Variants in RHOU observed in about 807,000 individuals in gnomAD.
The protein encoded by RHOU is ras homolog family member U.
A neutral mutation model predicts 12.6 loss-of-function variants in RHOU; 8 were observed. The observed-to-expected ratio is 0.64, with a 90% confidence interval of 0.37 to 1.15. The LOEUF is 1.15. RHOU is among the 50% of genes most tolerant of loss of function. The pLI, the probability that RHOU is intolerant of heterozygous loss-of-function variation, is 0.01. For missense variants in RHOU, 258 were observed against 347.0 expected, an observed-to-expected ratio of 0.74 and a Z score of 2.04; for synonymous variants, 161 against 147.4, an observed-to-expected ratio of 1.09 and a Z score of -0.67.
rs1047464210 is a variant in RHOU at position 228,744,737 on chromosome 1, G to A, written c.*997G>A. On this transcript the variant is annotated 3_prime_UTR_variant, in exon 3 of 3. Coordinates refer to ENST00000366691, the MANE Select transcript of RHOU (RefSeq NM_021205.6). ...TAAGTCGGCCAAGATGTACTTCTCTGTGTGCACACCCATGCACACTCATGC... is the reference window on the plus strand; with the variant it reads ...TAAGTCGGCCAAGATGTACTTCTCTATGTGCACACCCATGCACACTCATGC... The A allele has an allele frequency of 3.3e-5, 5 of 152,064 alleles. No individual in the cohort carries two copies. The highest frequency in any genetic ancestry group is 1.2e-4 in the African/African-American group (5 of 41,364). 9.4% of individuals were successfully genotyped at this position (152,064 alleles called of 1,614,324 possible).
At position 228,737,556 on chromosome 1, in the gene RHOU, A is replaced by G; in HGVS notation, c.263-117A>G. The G allele has an allele frequency of 1.0e-6, 1 of 986,060 alleles. No individual in the cohort carries two copies. The allele number at this position is 986,060 out of a possible 1,614,324, so 61.1% of individuals were successfully genotyped here. ...TGGCTAGTCTTTAATTCATTAGAGG[A>G]CCTAAAATAGGAGCAAAGGGGTTTG... On this transcript the variant is annotated intron_variant, in intron 1 of 2. Transcript: ENST00000366691. This position sits in a 1 kb window ranked among gnomAD's most constrained non-coding sequence, Gnocchi z 4.1.
At chr1:228,668,403 A>G in the RHOU span, among the ~76,000 whole-genome samples, 1 of 152,180 alleles carries the variant, frequency 6.6e-6, no homozygotes, top group South Asian at 2.1e-4. Flanking sequence ...ATGGCCCCAA[A>G]TTGCGATTGG....
the RHOU span, among the ~76,000 whole-genome samples, chr1:228,648,305 C>G: frequency 1.9e-4 from 29 of 152,210 alleles, no homozygotes; most frequent in Non-Finnish European, 4.0e-4. Flanking sequence ...GCGGGAGTGC[C>G]AGAGGCCTTT....
At chr1:228,736,030 G>A in intron 1 of RHOU, 26 bp downstream of exon 1, 2 of 1,563,044 alleles carry the variant, frequency 1.3e-6, no homozygotes, top group Non-Finnish European at 1.7e-6. Context: ...GGCCGGGGCC[G>A]GGGGCGCGTG....
At chr1:228,715,509 T>C in the RHOU span, among the ~76,000 whole-genome samples, 1 of 152,168 alleles carries the variant, frequency 6.6e-6, no homozygotes, top group Non-Finnish European at 1.5e-5. Context: ...ATTGGTAGAA[T>C]ATTCGGTAAT....
At chr1:228,666,992 C>G in the RHOU span, among the ~76,000 whole-genome samples, 1 of 152,154 alleles carries the variant, frequency 6.6e-6, no homozygotes, top group Non-Finnish European at 1.5e-5. Flanking sequence ...TTTAGCCTCA[C>G]TTGTCTGTTA....
the RHOU span, among the ~76,000 whole-genome samples, chr1:228,675,509 C>T: frequency 6.0e-4 from 92 of 152,200 alleles, no homozygotes; most frequent in African/African-American, 2.2e-3. Context: ...TTTTTCAATC[C>T]TCAGGCAAAG....
the RHOU span, among the ~76,000 whole-genome samples, chr1:228,678,709 A>T: frequency 6.6e-6 from 1 of 152,096 alleles, no homozygotes; most frequent in East Asian, 1.9e-4. Flanking sequence ...TGAGGGCTCG[A>T]GTTAAGGCAA....
the RHOU span, among the ~76,000 whole-genome samples, chr1:228,717,899 A>G: frequency 6.6e-6 from 1 of 152,236 alleles, no homozygotes; most frequent in African/African-American, 2.4e-5. Flanking sequence ...AAATTCGGGT[A>G]ATTCCATGCC....
chr1:228,723,725 A>G, the RHOU span, among the ~76,000 whole-genome samples: 1 of 152,250 alleles, frequency 6.6e-6, no homozygotes, highest in Admixed American at 6.5e-5. Context: ...TCTGCCTGAA[A>G]TAATTTCTTA....
the RHOU span, among the ~76,000 whole-genome samples, chr1:228,661,126 A>G: frequency 6.6e-6 from 1 of 152,062 alleles, no homozygotes; most frequent in East Asian, 1.9e-4. Flanking sequence ...TCCAACTTAC[A>G]AGGGATGTGA....
chr1:228,673,369 G>A, the RHOU span, among the ~76,000 whole-genome samples: 32 of 152,110 alleles, frequency 2.1e-4, no homozygotes, highest in African/African-American at 7.5e-4. Flanking sequence ...GTTGTAAGTT[G>A]GTTTATTTTC....
In RHOU at chr1:228,739,603, A is replaced by G. The variant is rs115646830; in HGVS notation, c.321+1872A>G. 5.9e-3 allele frequency among the ~76,000 whole-genome samples: 899 copies of G among 152,314 alleles called. 12 individuals are homozygous for G. Among genetic ancestry groups the G allele is most frequent in the African/African-American group, 0.02 (850 of 41,574 alleles). On this transcript the variant is annotated intron_variant, in intron 2 of 2. Transcript: ENST00000366691. ...CAGGCAGAGGAACATGTCAGTAAAC[A>G]TAGCCATCGGACCTGCTGAAGTCAG...
At chr1:228,721,657 GGTTTT>G in the RHOU span, among the ~76,000 whole-genome samples, 1 of 152,110 alleles carries the variant, frequency 6.6e-6, no homozygotes, top group Non-Finnish European at 1.5e-5. Flanking sequence ...CCCAGACTTT[GGTTTT>G]GTTTTGTTTT....
the RHOU span, among the ~76,000 whole-genome samples, chr1:228,703,087 A>C: frequency 1.3e-5 from 2 of 152,210 alleles, no homozygotes; most frequent in African/African-American, 4.8e-5. Context: ...CGGTTAAGGC[A>C]GCATGGCCTG....
At chr1:228,677,141 T>C in the RHOU span, among the ~76,000 whole-genome samples, 1 of 152,100 alleles carries the variant, frequency 6.6e-6, no homozygotes, top group Admixed American at 6.5e-5. Context: ...GAACCTACAG[T>C]GGGAGAGACC....
At chr1:228,700,759 G>T in the RHOU span, among the ~76,000 whole-genome samples, 1 of 152,084 alleles carries the variant, frequency 6.6e-6, no homozygotes, top group African/African-American at 2.4e-5. Flanking sequence ...GTTAACTGCA[G>T]ATCATTTCTT....
chr1:228,683,313 C>T, the RHOU span, among the ~76,000 whole-genome samples: 10 of 152,292 alleles, frequency 6.6e-5, no homozygotes, highest in African/African-American at 2.4e-4. Flanking sequence ...GCATTTCACC[C>T]CTAGCATCCT....
At chr1:228,742,229 T>A (rs1253832476) in intron 2 of RHOU, among the ~76,000 whole-genome samples, 1 of 152,252 alleles carries the variant, frequency 6.6e-6, no homozygotes, top group African/African-American at 2.4e-5. Flanking sequence ...TAGCTGAATA[T>A]GGTGCTACAG....
Sources: allele counts gnomAD v4.1 joint callset (sites outside exome capture counted in the v4.1 genomes callset), GRCh38; gene constraint gnomAD v4.1.1; non-coding constraint Gnocchi (gnomAD v3.1); transcripts MANE v1.5; gene names NCBI Gene and HGNC (gene_info 2026-07-23, HGNC 2026-07-21).